The following IMPA2 variants were observed in gnomAD, a reference collection of about 807,000 sequenced individuals.
IMPA2 encodes the protein inositol monophosphatase 2.
In IMPA2, 32 loss-of-function variants were observed where a neutral mutation model predicts 35.1. The observed-to-expected ratio is 0.91, with a 90% CI of 0.69 to 1.23. The LOEUF (loss-of-function observed/expected upper bound fraction) is 1.23. IMPA2 is among the 50% of genes most tolerant of loss of function. The pLI is 0.00. For synonymous variants in IMPA2, 135 were observed against 160.6 expected, an observed-to-expected ratio of 0.84 and a Z score of 1.20; for missense variants, 334 against 387.6, an observed-to-expected ratio of 0.86 and a Z score of 1.16.
Position 12,030,620 on chromosome 18 carries a change from C to T in IMPA2, c.*162C>T, listed in dbSNP as rs186628994. On this transcript the variant is annotated 3_prime_UTR_variant, in exon 8 of 8. Transcript: ENST00000269159. ...ACAGTGAGTGGCTGGCCTTTTAAATCGACGTCTCTCTCACCAGGATTTGGT... is the reference window on the plus strand; with the variant it reads ...ACAGTGAGTGGCTGGCCTTTTAAATTGACGTCTCTCTCACCAGGATTTGGT... The T allele has an allele frequency of 2.6e-4, 157 of 598,096 alleles. No homozygotes were observed. Among genetic ancestry groups the T allele is most frequent in the Non-Finnish European group, 6.9e-5 (23 of 335,716 alleles). 37.0% of individuals were successfully genotyped at this position (598,096 alleles called of 1,614,324 possible). A position where few individuals can be genotyped will look rare whatever the true frequency, so the allele number is the denominator to read the frequency against.
intron 4 of IMPA2, 86 bp from the exon 5 acceptor site, chr18:12,014,179 A>G: frequency 1.1e-6 from 1 of 907,368 alleles, no homozygotes; most frequent in African/African-American, 1.6e-5. Flanking sequence ...CGCCTAGCGC[A>G]GCCTTCATCT....
At chr18:12,015,219 C>T (rs1907544573) in intron 5 of IMPA2, among the ~76,000 whole-genome samples, 1 of 152,166 alleles carries the variant, frequency 6.6e-6, no homozygotes. Flanking sequence ...CTGGCGTGGA[C>T]ATCATGCAGG....
chr18:11,983,131 G>GAATT (rs145593528), intron 1 of IMPA2, among the ~76,000 whole-genome samples: 2,060 of 150,384 alleles, frequency 0.014, 40 homozygotes, highest in African/African-American at 0.046. Flanking sequence ...AAGAATGAAT[G>GAATT]AATTTAAGAG....
chr18:12,029,217 C>T (rs868855780), intron 7 of IMPA2, among the ~76,000 whole-genome samples: 2 of 145,374 alleles, frequency 1.4e-5, no homozygotes, highest in East Asian at 2.1e-4. Context: ...CGGGTTCAAG[C>T]AATTCTCCTG....
intron 6 of IMPA2, 78 bp from the exon 7 acceptor site, chr18:12,028,764 A>C (rs1907954032): frequency 2.7e-6 from 4 of 1,468,382 alleles, no homozygotes; most frequent in Non-Finnish European, 3.7e-6. Flanking sequence ...CAGCCGGGGT[A>C]CCTGGCTGAA....
chr18:12,004,578 T>C (rs1202319444), intron 2 of IMPA2, among the ~76,000 whole-genome samples: 1 of 151,236 alleles, frequency 6.6e-6, no homozygotes, highest in African/African-American at 2.4e-5. Context: ...TAGCCCAGAC[T>C]GGAGTGCAGT....
chr18:11,996,899 C>A (rs1906973490), intron 1 of IMPA2, among the ~76,000 whole-genome samples: 1 of 151,710 alleles, frequency 6.6e-6, no homozygotes, highest in Non-Finnish European at 1.5e-5. Context: ...CAGAGATACA[C>A]ACAGAGACAC....
intron 1 of IMPA2, among the ~76,000 whole-genome samples, chr18:11,989,203 C>G (rs1906743443): frequency 6.6e-6 from 1 of 152,190 alleles, no homozygotes; most frequent in Non-Finnish European, 1.5e-5. Flanking sequence ...CCTTGGGAGC[C>G]TCACAAATGC....
intron 1 of IMPA2, among the ~76,000 whole-genome samples, chr18:11,995,502 G>T (rs1906935970): frequency 6.6e-6 from 1 of 152,202 alleles, no homozygotes; most frequent in Non-Finnish European, 1.5e-5. Flanking sequence ...GACGTTTGGG[G>T]TCAAATGGTC....
chr18:12,000,493 T>TC (rs1907086337), intron 2 of IMPA2, among the ~76,000 whole-genome samples: 1 of 152,052 alleles, frequency 6.6e-6, no homozygotes, highest in South Asian at 2.1e-4. Context: ...TGCCAGTCGC[T>TC]CATGTTTGTT....
At chr18:12,022,528 AATATATAT>A (rs202132842) in intron 5 of IMPA2, among the ~76,000 whole-genome samples, 2 of 96,822 alleles carry the variant, frequency 2.1e-5, no homozygotes, top group Admixed American at 1.1e-4. Context: ...TCTCAAAAAG[AATATATAT>A]ATATATATAT....
chr18:11,994,062 G>A (rs1156359564), intron 1 of IMPA2: 1 of 152,210 alleles, frequency 6.6e-6, no homozygotes, highest in Non-Finnish European at 1.5e-5. Context: ...AATAAAAGCA[G>A]AAAACAGTTA....
intron 5 of IMPA2, among the ~76,000 whole-genome samples, chr18:12,022,252 C>G (rs1159055680): frequency 6.6e-6 from 1 of 152,036 alleles, no homozygotes; most frequent in East Asian, 1.9e-4. Flanking sequence ...ATACATTAGG[C>G]CGGGCCCGGT....
Position 12,030,370 on chromosome 18 carries a change from G to C in IMPA2, c.779G>C (p.Arg260Thr), listed in dbSNP as rs771372272. The change falls in exon 8 of 8, where the codon AGA (arginine) becomes ACA (threonine). Residue 260 changes from arginine to threonine, a missense_variant. Transcript: ENST00000269159. ...SGGPLDLMAC[R>T]VVAASTREMA... ...GGACCCCTCGACCTCATGGCTTGCAGAGTGGTTGCGGCCAGCACCCGGGAG... is the reference window on the plus strand; with the variant it reads ...GGACCCCTCGACCTCATGGCTTGCACAGTGGTTGCGGCCAGCACCCGGGAG... 15 of 1,614,254 alleles carry C rather than the reference G, an allele frequency of 9.3e-6. No individual in the cohort carries two copies. The South Asian group carries it at 1.6e-4, about 18-fold the overall frequency.
chr18:12,006,699 A>G (rs16976931), intron 2 of IMPA2, among the ~76,000 whole-genome samples: 21,993 of 152,156 alleles, frequency 0.14, 1,844 homozygotes, highest in African/African-American at 0.22. Flanking sequence ...GTATTTCTAG[A>G]TAATTTATCA....
rs766578410 is a variant in IMPA2 at position 12,030,322 on chromosome 18, GCTCT to G, written c.752-16_752-13del. The G allele has an allele frequency of 2.0e-5, 32 of 1,597,320 alleles. No homozygotes were observed. In the South Asian group the frequency reaches 2.6e-4, roughly 13 times the overall value. On this transcript the variant is annotated splice_polypyrimidine_tract_variant and intron_variant, in intron 7 of 7. Coordinates refer to ENST00000269159, the MANE Select transcript of IMPA2 (RefSeq NM_014214.3). ...CCCTCTCTGGTAACCCGGATGCCTG[GCTCT>G]CTCTGTCTGTCCCCAGGTGGACCCC...
intron 2 of IMPA2, among the ~76,000 whole-genome samples, chr18:12,009,463 A>G (rs932844376): frequency 6.6e-6 from 1 of 152,200 alleles, no homozygotes; most frequent in African/African-American, 2.4e-5. Flanking sequence ...CCCAGGTATC[A>G]GCATTGACTG....
chr18:12,008,089 G>A (rs1598695881), intron 2 of IMPA2, among the ~76,000 whole-genome samples: 1 of 152,078 alleles, frequency 6.6e-6, no homozygotes, highest in Non-Finnish European at 1.5e-5. Flanking sequence ...TCCACCTCCT[G>A]GGTTCAAGCA....
At chr18:12,000,725 C>T (rs1248662789) in intron 2 of IMPA2, among the ~76,000 whole-genome samples, 3 of 149,756 alleles carry the variant, frequency 2.0e-5, no homozygotes, top group Non-Finnish European at 4.4e-5. Context: ...ACGCCATTCT[C>T]CTGCCTCAGC....
Sources: allele counts gnomAD v4.1 joint callset (sites outside exome capture counted in the v4.1 genomes callset), GRCh38; gene constraint gnomAD v4.1.1; transcripts MANE v1.5; gene names NCBI Gene and HGNC (gene_info 2026-07-23, HGNC 2026-07-21).